Variants in MYO16 observed in about 807,000 individuals in gnomAD.
MYO16 encodes myosin XVI.
MYO16 carries 94 observed loss-of-function variants against 205.3 expected under a neutral mutation model. That is an observed-to-expected ratio of 0.46 (90% confidence interval 0.39 to 0.54). MYO16 has a LOEUF of 0.54. Among genes scored for constraint, MYO16 ranks in the 20% least tolerant of loss-of-function variants. The probability of loss-of-function intolerance (pLI) is 0.00; values close to 1 mark genes in which losing one functional copy is unlikely to be tolerated. For synonymous variants in MYO16, 988 were observed against 954.0 expected, an observed-to-expected ratio of 1.04 and a Z score of -0.66; for missense variants, 2,315 against 2,387.5, an observed-to-expected ratio of 0.97 and a Z score of 0.63.
At position 108,599,895 on chromosome 13, in the gene MYO16, C is replaced by T. The variant is rs1448822579; in HGVS notation, c.-39+3656C>T. On this transcript the variant is annotated intron_variant, in intron 1 of 24. Transcript: ENST00000251041. ...AAAGAAAAGTAAACAACAGAAAATC[C>T]ATTCACAAAGGCCATTTGTGAGCAT... Among the ~76,000 whole-genome samples, 6 of 152,120 alleles carry T rather than the reference C, an allele frequency of 3.9e-5. No homozygotes were observed. The East Asian group carries it at 9.6e-4, about 24-fold the overall frequency.
chr13:108,818,462 AAAAG>A (rs1249181611), intron 7 of MYO16, among the ~76,000 whole-genome samples: 4 of 149,938 alleles, frequency 2.7e-5, no homozygotes, highest in Admixed American at 2.0e-4. Flanking sequence ...ATAAAAATAA[AAAAG>A]AGAGAGATTA....
chr13:108,818,573 A>G (rs923021031), intron 7 of MYO16, among the ~76,000 whole-genome samples: 1 of 152,156 alleles, frequency 6.6e-6, no homozygotes, highest in Non-Finnish European at 1.5e-5. Context: ...AAAATCAACA[A>G]TACCTCAAAT....
intron 27 of MYO16, among the ~76,000 whole-genome samples, chr13:109,078,701 A>G (rs562680960): frequency 6.6e-6 from 1 of 152,272 alleles, no homozygotes; most frequent in East Asian, 1.9e-4. Context: ...CCTTGGAAAC[A>G]GTTTATTGTT....
chr13:108,930,228 A>T (rs1882195845), intron 16 of MYO16, among the ~76,000 whole-genome samples: 2 of 152,314 alleles, frequency 1.3e-5, no homozygotes, highest in South Asian at 4.1e-4. Context: ...ACTGAAGTAA[A>T]TATGGCTCAG....
intron 17 of MYO16, among the ~76,000 whole-genome samples, chr13:108,958,686 GGTTA>G (rs1457223031): frequency 2.6e-5 from 4 of 152,122 alleles, no homozygotes; most frequent in Non-Finnish European, 5.9e-5. Context: ...AGCCATGTGT[GGTTA>G]GTGGTTACTG....
intron 10 of MYO16, among the ~76,000 whole-genome samples, chr13:108,846,297 G>C (rs768972381): frequency 1.3e-4 from 20 of 152,042 alleles, no homozygotes; most frequent in Non-Finnish European, 2.9e-4. Context: ...TGAGTGTTGA[G>C]GAAACAAATT....
chr13:108,695,555 C>CAA (rs201525503), intron 2 of MYO16, among the ~76,000 whole-genome samples: 32 of 144,572 alleles, frequency 2.2e-4, no homozygotes, highest in South Asian at 1.1e-3. Flanking sequence ...TTAATTTCTG[C>CAA]AAAAAAAAAA....
chr13:108,580,054 C>T, the MYO16 span, among the ~76,000 whole-genome samples: 17 of 151,796 alleles, frequency 1.1e-4, no homozygotes, highest in Admixed American at 8.5e-4. Flanking sequence ...AATTCAAATA[C>T]GTAATAAATC....
chr13:108,785,958 T>C (rs1273812501), intron 5 of MYO16, among the ~76,000 whole-genome samples: 4 of 152,234 alleles, frequency 2.6e-5, no homozygotes, highest in Admixed American at 1.3e-4. Context: ...AGCAGAAATC[T>C]AGAGGCCAAC....
At chr13:108,676,438 T>C (rs1292009118) in intron 2 of MYO16, among the ~76,000 whole-genome samples, 2 of 150,538 alleles carry the variant, frequency 1.3e-5, no homozygotes, top group East Asian at 3.9e-4. Context: ...TTTATACATA[T>C]TGTCTCATTT....
chr13:108,866,359 C>T, intron 12 of MYO16, 117 bp downstream of exon 12: 1 of 575,580 alleles, frequency 1.7e-6, no homozygotes, highest in Admixed American at 3.5e-5. Context: ...TTTTTAAATT[C>T]TGAATTGAAT....
chr13:109,019,695 T>A lies in MYO16; in HGVS notation c.2596-16T>A. The A allele has an allele frequency of 6.3e-7, 1 of 1,598,074 alleles. No individual in the cohort carries two copies. The highest frequency in any genetic ancestry group is 8.6e-7 in the Non-Finnish European group (1 of 1,167,408). On this transcript the variant is annotated splice_polypyrimidine_tract_variant and intron_variant, in intron 22 of 34. Transcript: ENST00000457511. ...GTAATAGACAAAACAACTCCCCATC[T>A]CTTCTTAACTCTCAGAAGCCATCTG...
intron 33 of MYO16, chr13:109,166,939 G>A (rs1205754481): frequency 6.6e-6 from 1 of 152,198 alleles, no homozygotes. Context: ...TCCCCCATGA[G>A]ACAGCAATCA....
chr13:109,141,008 C>T lies in MYO16; in HGVS notation c.4796C>T (p.Pro1599Leu), dbSNP rs773965906. 168 of 1,323,160 alleles carry T rather than the reference C, an allele frequency of 1.3e-4. 1 individual carries two copies. The highest frequency in any genetic ancestry group is 1.0e-3 in the Admixed American group (24 of 23,970). 82.0% of individuals were successfully genotyped at this position (1,323,160 alleles called of 1,614,324 possible). Residue 1599 changes from proline to leucine, a missense_variant, in exon 32 of 35, where the codon CCG (proline) becomes CTG (leucine). Pro to Leu is a moderately conservative substitution (Grantham distance 98). This residue lies in a region of MYO16 where 1,097 missense variants were observed against 1,092.0 expected (regional missense o/e 1.00). Coordinates refer to ENST00000457511, the MANE Select transcript of MYO16 (RefSeq NM_001198950.3). This position sits in a 1 kb window ranked among gnomAD's most constrained non-coding sequence, Gnocchi z 4.1. Reference protein sequence around the residue: ...ASPPSTPPPPPPPPGPPPAPY... With the variant: ...ASPPSTPPPPLPPPGPPPAPY... ...CCGCCGTCCACGCCGCCCCCGCCCC[C>T]GCCCCCGCCCGGGCCGCCCCCCGCG...
At chr13:109,004,114 A>G (rs1885311015) in intron 21 of MYO16, among the ~76,000 whole-genome samples, 1 of 152,222 alleles carries the variant, frequency 6.6e-6, no homozygotes, top group South Asian at 2.1e-4. Context: ...ATTGTTTCTC[A>G]GCAATTTGTT....
At chr13:109,023,826 T>A (rs1006616811) in intron 23 of MYO16, among the ~76,000 whole-genome samples, 2 of 136,644 alleles carry the variant, frequency 1.5e-5, no homozygotes, top group African/African-American at 5.3e-5. Flanking sequence ...TATTTTATAT[T>A]TGCATTTATT....
intron 27 of MYO16, among the ~76,000 whole-genome samples, chr13:109,063,350 CTG>C (rs879565896): frequency 1.3e-5 from 2 of 152,160 alleles, no homozygotes; most frequent in Non-Finnish European, 2.9e-5. Flanking sequence ...CTTAAGGACT[CTG>C]TCTTCAATGG....
chr13:108,995,593 C>T (rs1884976906), intron 21 of MYO16, among the ~76,000 whole-genome samples: 1 of 152,076 alleles, frequency 6.6e-6, no homozygotes, highest in Non-Finnish European at 1.5e-5. Context: ...TCCCCCCTCT[C>T]CCCACTCCAC....
In MYO16 at chr13:108,922,614, A is replaced by G. The variant is rs111917472; in HGVS notation, c.1925+12464A>G. On this transcript the variant is annotated intron_variant, in intron 16 of 34. Transcript: ENST00000457511. The stretch of plus-strand genomic sequence containing the variant: ...GATTTGGAATGTGCGATTTGCTGTC[A>G]TCTGTCAAACTCTTCAGGTGGAGCC... Among the ~76,000 whole-genome samples, 266 of 152,356 alleles carry G rather than the reference A, an allele frequency of 1.7e-3. 2 individuals carry two copies. Among genetic ancestry groups the G allele is most frequent in the African/African-American group, 6.0e-3 (250 of 41,582 alleles).
Sources: allele counts gnomAD v4.1 joint callset (sites outside exome capture counted in the v4.1 genomes callset), GRCh38; gene constraint gnomAD v4.1.1; regional missense constraint gnomAD v4.1.1; non-coding constraint Gnocchi (gnomAD v3.1); transcripts MANE v1.5; gene names NCBI Gene and HGNC (gene_info 2026-07-23, HGNC 2026-07-21).